The following SGCZ variants were observed in gnomAD, a reference collection of about 807,000 sequenced individuals.
SGCZ encodes the protein zeta-sarcoglycan.
In SGCZ, 40 loss-of-function variants were observed where a neutral mutation model predicts 41.3. That is an observed-to-expected ratio of 0.97 (90% confidence interval 0.75 to 1.26). SGCZ has a LOEUF of 1.26. Among genes scored for constraint, SGCZ ranks in the 50% most tolerant of loss-of-function variants. SGCZ has a pLI of 0.00. For synonymous variants in SGCZ, 206 were observed against 137.5 expected (o/e 1.50, Z -3.49); for missense variants, 552 against 369.8 (o/e 1.49, Z -4.04).
chr8:14,374,283 A>C (rs1804024004), intron 2 of SGCZ, among the ~76,000 whole-genome samples: 1 of 152,100 alleles, frequency 6.6e-6, no homozygotes, highest in Non-Finnish European at 1.5e-5. Context: ...GGAGGCTGAG[A>C]TGGGAGGATA....
At chr8:14,815,782 T>C (rs192711097) in intron 1 of SGCZ, among the ~76,000 whole-genome samples, 1 of 152,344 alleles carries the variant, frequency 6.6e-6, no homozygotes, top group African/African-American at 2.4e-5. Flanking sequence ...TCTGATAATA[T>C]GTGATGTTAT....
At chr8:14,909,117 C>A (rs757052855) in intron 1 of SGCZ, among the ~76,000 whole-genome samples, 10 of 152,158 alleles carry the variant, frequency 6.6e-5, no homozygotes, top group Non-Finnish European at 1.3e-4. Context: ...CTAGTTTACA[C>A]TATTAATCCA....
intron 1 of SGCZ, among the ~76,000 whole-genome samples, chr8:15,040,714 T>C (rs1377808611): frequency 1.3e-5 from 2 of 152,188 alleles, no homozygotes; most frequent in East Asian, 1.9e-4. Flanking sequence ...CGCATTATTA[T>C]AAATGTTTTC....
At chr8:14,242,527 A>G (rs1798927152) in intron 3 of SGCZ, among the ~76,000 whole-genome samples, 2 of 152,174 alleles carry the variant, frequency 1.3e-5, no homozygotes, top group Admixed American at 1.3e-4. Flanking sequence ...GGGTCATAGC[A>G]CATAATTTAT....
chr8:14,966,250 T>G (rs542264041), intron 1 of SGCZ, among the ~76,000 whole-genome samples: 3 of 151,966 alleles, frequency 2.0e-5, no homozygotes, highest in Non-Finnish European at 4.4e-5. Context: ...AATATTGATG[T>G]CATCAGAGAT....
At chr8:15,185,942 C>G (rs1412747940) in intron 1 of SGCZ, among the ~76,000 whole-genome samples, 1 of 151,472 alleles carries the variant, frequency 6.6e-6, no homozygotes, top group Non-Finnish European at 1.5e-5. Context: ...TAATTTCTCT[C>G]GGCTGGGCGC....
chr8:14,690,490 C>T (rs186230418), intron 1 of SGCZ: 2 of 152,000 alleles, frequency 1.3e-5, no homozygotes, highest in East Asian at 1.9e-4. Context: ...GTGGCGTGGG[C>T]GACATAAATA....
At chr8:14,701,336 C>T (rs935215910) in intron 1 of SGCZ, among the ~76,000 whole-genome samples, 10 of 152,014 alleles carry the variant, frequency 6.6e-5, no homozygotes, top group African/African-American at 2.4e-4. Context: ...CTTTTATTGA[C>T]AGAAGTACCT....
intron 1 of SGCZ, among the ~76,000 whole-genome samples, chr8:14,817,870 G>C (rs931299123): frequency 6.6e-6 from 1 of 152,148 alleles, no homozygotes; most frequent in Non-Finnish European, 1.5e-5. Flanking sequence ...GATCATTGCA[G>C]AGCCACCTGA....
chr8:15,152,437 G>A (rs1057009242), intron 1 of SGCZ, among the ~76,000 whole-genome samples: 1 of 152,144 alleles, frequency 6.6e-6, no homozygotes, highest in Non-Finnish European at 1.5e-5. Context: ...GGAGAAACAA[G>A]GTGTTAGAAC....
At chr8:14,544,968 C>G (rs1198797594) in intron 2 of SGCZ, among the ~76,000 whole-genome samples, 2 of 152,126 alleles carry the variant, frequency 1.3e-5, no homozygotes, top group African/African-American at 4.8e-5. Flanking sequence ...CGTTCTTACA[C>G]CCTCTTCCCT....
At chr8:14,628,594 T>C (rs1179466549) in intron 1 of SGCZ, among the ~76,000 whole-genome samples, 1 of 152,120 alleles carries the variant, frequency 6.6e-6, no homozygotes, top group South Asian at 2.1e-4. Flanking sequence ...TGTTTTCAAA[T>C]GCAAGAGAGG....
intron 1 of SGCZ, among the ~76,000 whole-genome samples, chr8:15,099,923 C>T (rs1359799507): frequency 6.7e-6 from 1 of 149,028 alleles, no homozygotes; most frequent in South Asian, 2.2e-4. Flanking sequence ...TAAAAACTCT[C>T]AGCAAAATTA....
At chr8:14,623,703 G>C (rs1806358854) in intron 1 of SGCZ, among the ~76,000 whole-genome samples, 1 of 152,124 alleles carries the variant, frequency 6.6e-6, no homozygotes, top group East Asian at 1.9e-4. Flanking sequence ...CCTTTTCCTT[G>C]AGGAAGCTGC....
At chr8:15,089,651 C>G (rs75458644) in intron 1 of SGCZ, among the ~76,000 whole-genome samples, 5,235 of 152,208 alleles carry the variant, frequency 0.034, 175 homozygotes, top group South Asian at 0.14. Flanking sequence ...TGGCCTTCAG[C>G]AAGTTACTTA....
chr8:14,689,788 G>A (rs1475220301), intron 1 of SGCZ, among the ~76,000 whole-genome samples: 1 of 152,068 alleles, frequency 6.6e-6, no homozygotes, highest in Admixed American at 6.6e-5. Context: ...TACAACAGAC[G>A]CATAATTAAA....
chr8:14,328,940 G>T (rs1036710987), intron 2 of SGCZ, among the ~76,000 whole-genome samples: 1 of 152,150 alleles, frequency 6.6e-6, no homozygotes, highest in Non-Finnish European at 1.5e-5. Flanking sequence ...CTTCCCTCTG[G>T]AGGACACAGC....
intron 1 of SGCZ, among the ~76,000 whole-genome samples, chr8:14,583,555 A>G (rs539697407): frequency 9.2e-5 from 14 of 151,948 alleles, no homozygotes; most frequent in East Asian, 7.8e-4. Context: ...ATTGCTTTTG[A>G]TGTTTTAGAC....
intron 3 of SGCZ, among the ~76,000 whole-genome samples, chr8:14,248,769 A>G (rs577472135): frequency 6.6e-6 from 1 of 151,664 alleles, no homozygotes; most frequent in Admixed American, 6.6e-5. Context: ...TTTTTCTCCT[A>G]AAATCTGCTT....
Sources: gnomAD v4.1 joint callset for allele counts (sites outside exome capture counted in the v4.1 genomes callset) on GRCh38, gnomAD v4.1.1 for gene constraint, MANE v1.5 for transcripts, NCBI Gene and HGNC (gene_info 2026-07-23, HGNC 2026-07-21) for gene names.